GALNT17: variants seen among roughly 807,000 people sequenced by gnomAD.
The protein encoded by GALNT17 is polypeptide N-acetylgalactosaminyltransferase 17.
GALNT17 carries 29 observed loss-of-function variants against 63.7 expected under a neutral mutation model. The ratio of observed to expected loss-of-function variants is 0.46; its 90% CI spans 0.34 to 0.62. The LOEUF is 0.62. Ranked by LOEUF, GALNT17 falls within the 20% of genes least tolerant of loss-of-function variation. GALNT17 has a pLI of 0.01. For synonymous variants in GALNT17, 305 were observed against 318.3 expected (o/e 0.96, Z 0.45); for missense variants, 603 against 799.6 (o/e 0.75, Z 2.97).
chr7:71,300,567 A>C (rs1791176983), intron 1 of GALNT17: 1 of 364,182 alleles, frequency 2.7e-6, no homozygotes, highest in East Asian at 8.0e-5. Flanking sequence ...AAAGCAAGTC[A>C]TTTGTTTTCT....
At chr7:71,336,880 G>C (rs1235915980) in intron 2 of GALNT17, among the ~76,000 whole-genome samples, 1 of 152,080 alleles carries the variant, frequency 6.6e-6, no homozygotes, top group African/African-American at 2.4e-5. Context: ...GGGTCAAATG[G>C]GTCTGCTTTG....
At chr7:71,484,468 A>G (rs1787876205) in intron 5 of GALNT17, among the ~76,000 whole-genome samples, 2 of 152,282 alleles carry the variant, frequency 1.3e-5, no homozygotes, top group African/African-American at 4.8e-5. Flanking sequence ...AGTCTGGGTG[A>G]CAGAGTGAGA....
chr7:71,409,932 T>C (rs1364214034), intron 3 of GALNT17, among the ~76,000 whole-genome samples: 1 of 152,158 alleles, frequency 6.6e-6, no homozygotes, highest in Non-Finnish European at 1.5e-5. Flanking sequence ...GATGAAATTA[T>C]CAAGATGTGG....
intron 1 of GALNT17, among the ~76,000 whole-genome samples, chr7:71,227,174 C>CAAAAA (rs58450619): frequency 3.9e-4 from 24 of 60,836 alleles, no homozygotes; most frequent in Non-Finnish European, 5.3e-4. Flanking sequence ...ACCGTCTCTA[C>CAAAAA]AAAAAAAAAA....
intron 1 of GALNT17, among the ~76,000 whole-genome samples, chr7:71,260,630 T>C (rs921489161): frequency 1.3e-5 from 2 of 150,468 alleles, no homozygotes; most frequent in African/African-American, 4.9e-5. Flanking sequence ...TTTGAGACAG[T>C]CTTGCTCTGT....
In GALNT17 at chr7:71,404,056, A is replaced by T. The variant is rs1248937412; in HGVS notation, c.590-11833A>T. On this transcript the variant is annotated intron_variant, in intron 3 of 10. Transcript: ENST00000333538. ...GCCTTTGATGGGGTAAGGTAGGGGA[A>T]TGCTCTTTTAAATTGGGGAGACAAC... Among the ~76,000 whole-genome samples the T allele has an allele frequency of 2.0e-5, 3 of 152,208 alleles. No individual in the cohort carries two copies. The East Asian group carries it at 5.8e-4, about 29-fold the overall frequency.
intron 1 of GALNT17, among the ~76,000 whole-genome samples, chr7:71,179,179 CCTCTG>C (rs1216005807): frequency 6.6e-6 from 1 of 152,092 alleles, no homozygotes. Context: ...CAAAGTCACC[CCTCTG>C]CTCATTGAGA....
chr7:71,385,715 G>T (rs1397721458), intron 2 of GALNT17, among the ~76,000 whole-genome samples: 2 of 152,188 alleles, frequency 1.3e-5, no homozygotes, highest in African/African-American at 2.4e-5. Flanking sequence ...CATGGGCACG[G>T]TGCACCTGGC....
chr7:71,711,467 T>C (rs750480849), intron 10 of GALNT17, among the ~76,000 whole-genome samples: 1 of 152,076 alleles, frequency 6.6e-6, no homozygotes, highest in Non-Finnish European at 1.5e-5. Context: ...GGCGCCATGA[T>C]AGTTAAGCCT....
intron 1 of GALNT17, among the ~76,000 whole-genome samples, chr7:71,333,819 A>G (rs933498230): frequency 3.3e-5 from 5 of 152,194 alleles, no homozygotes; most frequent in Admixed American, 2.0e-4. Flanking sequence ...GAACAGCCCA[A>G]CTGTTTTCCA....
chr7:71,706,042 C>G (rs563739919), intron 9 of GALNT17, among the ~76,000 whole-genome samples: 37 of 152,262 alleles, frequency 2.4e-4, no homozygotes, highest in African/African-American at 8.2e-4. Flanking sequence ...TCGCTACCCA[C>G]CTGCCTCATG....
intron 1 of GALNT17, among the ~76,000 whole-genome samples, chr7:71,243,756 A>G (rs908188187): frequency 7.2e-5 from 11 of 152,114 alleles, no homozygotes; most frequent in African/African-American, 2.7e-4. Context: ...ACCTCATAAA[A>G]CAGCACATTT....
At chr7:71,696,732 C>T (rs1157484227) in intron 9 of GALNT17, among the ~76,000 whole-genome samples, 2 of 152,054 alleles carry the variant, frequency 1.3e-5, no homozygotes, top group East Asian at 3.9e-4. Flanking sequence ...AGGGTTTTTT[C>T]CCAATGCATT....
intron 1 of GALNT17, among the ~76,000 whole-genome samples, chr7:71,243,221 C>T (rs989546108): frequency 6.6e-6 from 1 of 152,182 alleles, no homozygotes; most frequent in Non-Finnish European, 1.5e-5. Flanking sequence ...CGTGCTTCTT[C>T]CCCATCTGTC....
intron 9 of GALNT17, among the ~76,000 whole-genome samples, chr7:71,687,652 C>T (rs1376939994): frequency 6.6e-6 from 1 of 152,134 alleles, no homozygotes; most frequent in African/African-American, 2.4e-5. Flanking sequence ...TAGAAATCAC[C>T]ATGGGGGTCA....
intron 1 of GALNT17, among the ~76,000 whole-genome samples, chr7:71,185,264 G>A (rs995969579): frequency 8.0e-5 from 12 of 149,840 alleles, no homozygotes; most frequent in Non-Finnish European, 1.6e-4. Context: ...GGAGTACAAT[G>A]GTCTCATCAC....
intron 9 of GALNT17, among the ~76,000 whole-genome samples, chr7:71,681,244 G>T (rs527610777): frequency 6.6e-6 from 1 of 152,160 alleles, no homozygotes; most frequent in Non-Finnish European, 1.5e-5. Context: ...TGCTGATGCC[G>T]CTGGTTTGAG....
intron 1 of GALNT17, among the ~76,000 whole-genome samples, chr7:71,303,733 C>G (rs1012688068): frequency 2.0e-5 from 3 of 151,946 alleles, no homozygotes; most frequent in African/African-American, 7.3e-5. Flanking sequence ...GGCTGGACTC[C>G]CCTCTAAAGA....
intron 1 of GALNT17, among the ~76,000 whole-genome samples, chr7:71,146,130 A>T (rs1292283464): frequency 6.6e-6 from 1 of 151,954 alleles, no homozygotes; most frequent in Admixed American, 6.6e-5. Flanking sequence ...AGACGGGTGG[A>T]TGGAGTGGCC....
Sources: allele counts gnomAD v4.1 joint callset (sites outside exome capture counted in the v4.1 genomes callset), GRCh38; gene constraint gnomAD v4.1.1; transcripts MANE v1.5; gene names NCBI Gene and HGNC (gene_info 2026-07-23, HGNC 2026-07-21).